Variants in GMPS observed in about 807,000 individuals in gnomAD.
GMPS encodes guanosine monophosphate synthase.
A neutral mutation model predicts 77.9 loss-of-function variants in GMPS; 15 were observed. That is an observed-to-expected ratio of 0.19 (90% CI 0.13 to 0.30). GMPS has a LOEUF of 0.30. GMPS is among the 10% of genes least tolerant of loss of function. The pLI is 1.00. For synonymous variants in GMPS, 224 were observed against 275.9 expected, an observed-to-expected ratio of 0.81 and a Z score of 1.86; for missense variants, 590 against 838.8, an observed-to-expected ratio of 0.70 and a Z score of 3.66.
At position 155,939,355 on chromosome 3, in the gene GMPS, A is replaced by G; in HGVS notation, c.*1663A>G. The stretch of plus-strand genomic sequence containing the variant: ...TCAGTACACGTTTATGTTTATATGA[A>G]AAAAAATTTCTAGCCACAGTGTCTT... On this transcript the variant is annotated 3_prime_UTR_variant, in exon 16 of 16. Coordinates refer to ENST00000496455, the MANE Select transcript of GMPS (RefSeq NM_003875.3). 1 of 209,602 alleles carries G rather than the reference A, an allele frequency of 4.8e-6. No individual in the cohort carries two copies. The highest frequency in any genetic ancestry group is 9.7e-6 in the Non-Finnish European group (1 of 102,974). 13.0% of individuals were successfully genotyped at this position (209,602 alleles called of 1,614,324 possible).
intron 9 of GMPS, among the ~76,000 whole-genome samples, chr3:155,917,029 C>T (rs2108114590): frequency 6.6e-6 from 1 of 151,026 alleles, no homozygotes; most frequent in South Asian, 2.1e-4. Context: ...AGCTGGAGAG[C>T]AGTCATGCGA....
chr3:155,910,568 CAAAAAA>C, intron 5 of GMPS, 118 bp from the exon 6 acceptor site: 83 of 258,258 alleles, frequency 3.2e-4, no homozygotes, highest in Admixed American at 3.5e-4. Flanking sequence ...GACTCTGTCT[CAAAAAA>C]AAAAAAAAAA....
intron 1 of GMPS, among the ~76,000 whole-genome samples, chr3:155,875,934 A>G (rs981575705): frequency 1.3e-5 from 2 of 152,204 alleles, no homozygotes; most frequent in Admixed American, 6.5e-5. Context: ...GAAAGGGAAT[A>G]AGATCTCTAA....
chr3:155,887,879 A>G (rs1754372514), intron 1 of GMPS, among the ~76,000 whole-genome samples: 1 of 152,186 alleles, frequency 6.6e-6, no homozygotes, highest in Non-Finnish European at 1.5e-5. Flanking sequence ...AGTGGTGTTT[A>G]TTGTACCAAA....
intron 1 of GMPS, among the ~76,000 whole-genome samples, chr3:155,878,738 G>A (rs983125309): frequency 1.3e-5 from 2 of 152,186 alleles, no homozygotes; most frequent in African/African-American, 2.4e-5. Context: ...ATTGGCTGAC[G>A]CGATTATGGA....
upstream of GMPS, among the ~76,000 whole-genome samples, chr3:155,870,187 C>T (rs1270182524): frequency 2.0e-5 from 3 of 152,258 alleles, no homozygotes; most frequent in Non-Finnish European, 4.4e-5. Context: ...GCAGCCTTGG[C>T]CTCCTTCATG....
chr3:155,932,283 C>CAA (rs1329323440), intron 13 of GMPS, among the ~76,000 whole-genome samples: 5 of 149,230 alleles, frequency 3.4e-5, no homozygotes, highest in South Asian at 2.1e-4. Flanking sequence ...AAGTAACACA[C>CAA]ACACACACAC....
chr3:155,888,597 T>C (rs1754393238), intron 1 of GMPS, among the ~76,000 whole-genome samples: 1 of 151,344 alleles, frequency 6.6e-6, no homozygotes, highest in Non-Finnish European at 1.5e-5. Context: ...AATTTTTTTT[T>C]TTTTTTTTGA....
upstream of GMPS, among the ~76,000 whole-genome samples, chr3:155,869,584 T>C (rs1407400322): frequency 1.3e-5 from 2 of 152,232 alleles, no homozygotes; most frequent in Admixed American, 1.3e-4. Context: ...TTTCCCAGAT[T>C]GGGCAGGCCT....
chr3:155,901,882 T>G (rs1754745890), intron 3 of GMPS, among the ~76,000 whole-genome samples: 1 of 152,158 alleles, frequency 6.6e-6, no homozygotes, highest in Non-Finnish European at 1.5e-5. Flanking sequence ...TGCAGATACC[T>G]TCTGGATTGT....
intron 3 of GMPS, among the ~76,000 whole-genome samples, chr3:155,898,878 T>G (rs1175380062): frequency 6.6e-6 from 1 of 152,324 alleles, no homozygotes; most frequent in East Asian, 1.9e-4. Flanking sequence ...AGATGGTATC[T>G]GTCGGGTGTC....
rs1185773484 is a variant in GMPS at position 155,941,381 on chromosome 3, T to C, written c.*3689T>C. 1.1e-4 allele frequency: 17 copies of C among 157,030 alleles called. No homozygotes were observed. The highest frequency in any genetic ancestry group is 9.4e-5 in the African/African-American group (3 of 31,866). 9.7% of individuals were successfully genotyped at this position (157,030 alleles called of 1,614,324 possible). A position where few individuals can be genotyped will look rare whatever the true frequency, so the allele number is the denominator to read the frequency against. ...ATAGTGCCACTGCACTCCGGCCTGG[T>C]GAAAGAGCGAGACTCAGTCTCAAAA... is the stretch of plus-strand genomic sequence containing the variant. On this transcript the variant is annotated 3_prime_UTR_variant, in exon 16 of 16. Transcript: ENST00000496455.
rs1755844870 is a variant in GMPS, at chr3:155,939,664, A to G, written c.*1972A>G. 2 of 192,154 alleles carry G rather than the reference A, an allele frequency of 1.0e-5. No individual in the cohort carries two copies. The highest frequency in any genetic ancestry group is 1.9e-4 in the South Asian group (1 of 5,182). 11.9% of individuals were successfully genotyped at this position (192,154 alleles called of 1,614,324 possible). A position where few individuals can be genotyped will look rare whatever the true frequency, so the allele number is the denominator to read the frequency against. On this transcript the variant is annotated 3_prime_UTR_variant, in exon 16 of 16. Transcript: ENST00000496455. The stretch of plus-strand genomic sequence containing the variant: ...CACCTTTTATATAATCCCTTCTAAT[A>G]TATACTTAGTATATACTTAATATAA...
In GMPS at chr3:155,939,107, C is replaced by T. The variant is rs1231541596; in HGVS notation, c.*1415C>T. 3 of 217,894 alleles carry T rather than the reference C, an allele frequency of 1.4e-5. No individual in the cohort carries two copies. 13.5% of individuals were successfully genotyped at this position (217,894 alleles called of 1,614,324 possible). A position where few individuals can be genotyped will look rare whatever the true frequency, so the allele number is the denominator to read the frequency against. On this transcript the variant is annotated 3_prime_UTR_variant, in exon 16 of 16. Transcript: ENST00000496455. The stretch of plus-strand genomic sequence containing the variant: ...GGGAACAAGAAAACTGCTGCTGGAC[C>T]AGCAAGGGAAGAGTTTCTGTCTGTC...
At chr3:155,893,496 G>T (rs1754523570) in intron 1 of GMPS, 22 bp from the exon 2 acceptor site, 1 of 1,528,226 alleles carries the variant, frequency 6.5e-7, no homozygotes, top group African/African-American at 1.4e-5. Context: ...TTAAGACTTT[G>T]TATTTGTATT....
At position 155,942,872 on chromosome 3, in the gene GMPS, A is replaced by G. The variant is rs1755926746; in HGVS notation, c.*5180A>G. ...ATTATTCTTTAGAGAACTAGAGATT[A>G]CCTAGCTGCAACCTAAGTTTCCTGA... On this transcript the variant is annotated 3_prime_UTR_variant, in exon 16 of 16. Transcript: ENST00000496455. 4.9e-6 allele frequency: 1 copy of G among 205,400 alleles called. No homozygotes were observed. Among genetic ancestry groups the G allele is most frequent in the South Asian group, 1.9e-4 (1 of 5,264 alleles). 12.7% of individuals were successfully genotyped at this position (205,400 alleles called of 1,614,324 possible).
intron 15 of GMPS, among the ~76,000 whole-genome samples, chr3:155,937,272 C>T (rs1755786478): frequency 6.6e-6 from 1 of 152,210 alleles, no homozygotes; most frequent in South Asian, 2.1e-4. Context: ...TTGGATGCCA[C>T]AGCAATGTCA....
intron 1 of GMPS, among the ~76,000 whole-genome samples, chr3:155,876,516 TAACAAACCCG>T (rs1754053035): frequency 1.3e-5 from 2 of 152,250 alleles, no homozygotes; most frequent in African/African-American, 4.8e-5. Context: ...GGTGAAAGTT[TAACAAACCCG>T]TCCTATTTTA....
chr3:155,883,976 A>G (rs1754270478), intron 1 of GMPS, among the ~76,000 whole-genome samples: 1 of 152,122 alleles, frequency 6.6e-6, no homozygotes, highest in South Asian at 2.1e-4. Context: ...AAACCTACGC[A>G]AAGATAACCT....
Sources: allele counts gnomAD v4.1 joint callset (sites outside exome capture counted in the v4.1 genomes callset), GRCh38; gene constraint gnomAD v4.1.1; transcripts MANE v1.5; gene names NCBI Gene and HGNC (gene_info 2026-07-23, HGNC 2026-07-21).